Variants in SGK3 observed in about 807,000 individuals in gnomAD.
The protein encoded by SGK3 is serum/glucocorticoid regulated kinase family member 3.
A neutral mutation model predicts 68.5 loss-of-function variants in SGK3; 47 were observed. The ratio of observed to expected loss-of-function variants is 0.69; its 90% CI spans 0.54 to 0.87. The LOEUF (loss-of-function observed/expected upper bound fraction) is 0.87, where lower values mean the gene tolerates loss of function less well. Ranked by LOEUF, SGK3 falls within the 40% of genes least tolerant of loss-of-function variation. SGK3 has a pLI of 0.00. For synonymous variants in SGK3, 181 were observed against 189.1 expected, an observed-to-expected ratio of 0.96 and a Z score of 0.35; for missense variants, 479 against 575.5, an observed-to-expected ratio of 0.83 and a Z score of 1.72.
intron 1 of SGK3, among the ~76,000 whole-genome samples, chr8:66,790,441 T>C (rs1807397080): frequency 6.6e-6 from 1 of 152,228 alleles, no homozygotes; most frequent in Non-Finnish European, 1.5e-5. Flanking sequence ...TTCAGCATTC[T>C]TAGCCTCATC....
intron 1 of SGK3, among the ~76,000 whole-genome samples, chr8:66,726,428 C>T (rs182923440): frequency 1.4e-3 from 213 of 152,080 alleles, no homozygotes; most frequent in African/African-American, 4.7e-3. Flanking sequence ...GCCCCTCATC[C>T]GAAAGAACAG....
Position 66,804,814 on chromosome 8 carries a change from C to CATAATT in SGK3, c.253+368_253+369insTAATTA, listed in dbSNP as rs1448281275. ...TAAATTTATCTGTCAATGGGCTGGG[C>CATAATT]ACAGTGGCTCACACCTGTAATCGAA... On this transcript the variant is annotated intron_variant, in intron 4 of 16. Transcript: ENST00000521198. Among the ~76,000 whole-genome samples the CATAATT allele has an allele frequency of 3.3e-5, 5 of 152,210 alleles. No individual in the cohort carries two copies. The East Asian group carries it at 9.6e-4, about 29-fold the overall frequency.
intron 1 of SGK3, among the ~76,000 whole-genome samples, chr8:66,779,658 A>G (rs1806895771): frequency 7.0e-6 from 1 of 142,642 alleles, no homozygotes. Flanking sequence ...TACATTTTAT[A>G]CATATATATG....
intron 3 of SGK3, among the ~76,000 whole-genome samples, chr8:66,800,038 T>C (rs1475491732): frequency 6.6e-6 from 1 of 152,232 alleles, no homozygotes; most frequent in South Asian, 2.1e-4. Context: ...ACTCTTGTTA[T>C]ATATTTAAGA....
intron 1 of SGK3, among the ~76,000 whole-genome samples, chr8:66,733,603 G>A (rs551879089): frequency 6.6e-6 from 1 of 152,032 alleles, no homozygotes; most frequent in East Asian, 1.9e-4. Flanking sequence ...AATCTGGAAG[G>A]CTTGGGTTCT....
At chr8:66,844,504 G>A (rs964375078) in intron 14 of SGK3, among the ~76,000 whole-genome samples, 2 of 152,198 alleles carry the variant, frequency 1.3e-5, no homozygotes, top group Non-Finnish European at 2.9e-5. Context: ...CCAACCCAAA[G>A]CAAACAGTGT....
At chr8:66,737,638 CAG>C (rs1805363696) in intron 1 of SGK3, 1 of 139,390 alleles carries the variant, frequency 7.2e-6, no homozygotes, top group African/African-American at 2.8e-5. Flanking sequence ...TTTTTTTTGA[CAG>C]AGTCTCGCTC....
intron 1 of SGK3, among the ~76,000 whole-genome samples, chr8:66,743,058 C>T (rs544970511): frequency 6.6e-6 from 1 of 152,288 alleles, no homozygotes; most frequent in East Asian, 1.9e-4. Context: ...TCCTCCCTGC[C>T]TCCACCAATT....
At chr8:66,843,854 G>A (rs759130056) in intron 14 of SGK3, among the ~76,000 whole-genome samples, 2 of 151,994 alleles carry the variant, frequency 1.3e-5, no homozygotes, top group African/African-American at 4.8e-5. Flanking sequence ...AATTATCTGG[G>A]TGTGGTAGTG....
intron 1 of SGK3, among the ~76,000 whole-genome samples, chr8:66,725,088 G>A (rs537034841): frequency 8.1e-4 from 123 of 152,208 alleles, no homozygotes; most frequent in Middle Eastern, 6.8e-3. Flanking sequence ...AGCTGGGTGT[G>A]GTGGCGGGCA....
chr8:66,770,151 T>C (rs1276749271), intron 1 of SGK3, among the ~76,000 whole-genome samples: 3 of 151,486 alleles, frequency 2.0e-5, no homozygotes, highest in Non-Finnish European at 4.4e-5. Context: ...AGATGGAGTT[T>C]CCCCGTGTTT....
intron 3 of SGK3, among the ~76,000 whole-genome samples, chr8:66,799,666 G>T (rs963084516): frequency 1.3e-5 from 2 of 152,194 alleles, no homozygotes; most frequent in African/African-American, 4.8e-5. Flanking sequence ...CTGTCACCCA[G>T]GCTGGAGTGC....
At chr8:66,722,991 C>T (rs1048413958) in intron 1 of SGK3, among the ~76,000 whole-genome samples, 6 of 150,088 alleles carry the variant, frequency 4.0e-5, no homozygotes, top group African/African-American at 1.5e-4. Context: ...CCATCTCCAC[C>T]ATTGGAGATT....
intron 1 of SGK3, among the ~76,000 whole-genome samples, chr8:66,762,510 C>T (rs986508171): frequency 2.0e-5 from 3 of 151,888 alleles, no homozygotes; most frequent in South Asian, 2.1e-4. Context: ...AGTGAGACCG[C>T]GTCTCAAAAA....
chr8:66,767,783 C>G, intron 1 of SGK3: 1 of 1,573,778 alleles, frequency 6.4e-7, no homozygotes, highest in Non-Finnish European at 8.7e-7. Context: ...TTGGTCTTTA[C>G]TGACTTTTCT....
intron 1 of SGK3, among the ~76,000 whole-genome samples, chr8:66,766,468 T>G (rs187573825): frequency 6.6e-6 from 1 of 152,114 alleles, no homozygotes; most frequent in African/African-American, 2.4e-5. Flanking sequence ...GAGGTTGCAG[T>G]GAGCCGAGAT....
intron 15 of SGK3, 86 bp from the exon 16 acceptor site, chr8:66,850,745 G>A: frequency 7.7e-7 from 1 of 1,303,438 alleles, no homozygotes; most frequent in South Asian, 1.4e-5. Flanking sequence ...GGGCAAAATA[G>A]TAATAGTTTG....
intron 1 of SGK3, among the ~76,000 whole-genome samples, chr8:66,779,340 TA>T (rs1276331258): frequency 1.3e-5 from 2 of 151,976 alleles, no homozygotes; most frequent in Non-Finnish European, 2.9e-5. Context: ...CGAGCTTGTG[TA>T]AATGTTTCTG....
chr8:66,790,123 T>G (rs1807380258), intron 1 of SGK3, among the ~76,000 whole-genome samples: 1 of 152,170 alleles, frequency 6.6e-6, no homozygotes, highest in Non-Finnish European at 1.5e-5. Context: ...TTAGTCTTCC[T>G]TGATCTAAGA....
Sources: gnomAD v4.1 joint callset for allele counts (sites outside exome capture counted in the v4.1 genomes callset) on GRCh38, gnomAD v4.1.1 for gene constraint, MANE v1.5 for transcripts, NCBI Gene and HGNC (gene_info 2026-07-23, HGNC 2026-07-21) for gene names.